RGS12: variants seen among roughly 807,000 people sequenced by gnomAD.
RGS12 encodes regulator of G-protein signaling 12.
In RGS12, 66 loss-of-function variants were observed where a neutral mutation model predicts 120.1. That is an observed-to-expected ratio of 0.55 (90% CI 0.45 to 0.67). The LOEUF (loss-of-function observed/expected upper bound fraction) is 0.67. RGS12 is among the 30% of genes least tolerant of loss of function. RGS12 has a pLI of 0.00. For synonymous variants in RGS12, 827 were observed against 804.7 expected (o/e 1.03, Z -0.47); for missense variants, 1,859 against 1,957.7 (o/e 0.95, Z 0.95).
chr4:3,350,284 C>T (rs1369706438), intron 3 of RGS12, among the ~76,000 whole-genome samples: 1 of 152,132 alleles, frequency 6.6e-6, no homozygotes, highest in African/African-American at 2.4e-5. Flanking sequence ...TAAATATAAT[C>T]CTCTCTGACC....
At chr4:3,428,222 C>T (rs149629037) in intron 15 of RGS12, 53 bp downstream of exon 15, 19 of 1,495,016 alleles carry the variant, frequency 1.3e-5, no homozygotes, top group East Asian at 1.1e-4. Context: ...CTGTGGCCCC[C>T]GCCTGCCCTG....
rs561271897 is a variant in RGS12, at chr4:3,401,884, C to T, written c.2021-12188C>T. Among the ~76,000 whole-genome samples, 162 of 152,246 alleles carry T rather than the reference C, an allele frequency of 1.1e-3. 3 individuals are homozygous for T. Among genetic ancestry groups the T allele is most frequent in the Non-Finnish European group, 1.9e-3 (129 of 68,038 alleles). On this transcript the variant is annotated intron_variant, in intron 4 of 17. Coordinates refer to ENST00000336727, the MANE Select transcript of RGS12 (RefSeq NM_001394154.1). ...GGCTGGGTTCCCCATGGAGGAGAGC[C>T]CTGCCTTAGCCTCGTCTCTTGCTGC...
chr4:3,414,206 C>A lies in RGS12; in HGVS notation c.2155C>A (p.Leu719Met). The A allele has an allele frequency of 6.5e-7, 1 of 1,549,442 alleles. No individual in the cohort carries two copies. The highest frequency in any genetic ancestry group is 1.4e-5 in the African/African-American group (1 of 73,548). ...CAGCTGGGCCGTGTCCTTTGAGCGC[C>A]TGCTGCAGGACCCCGTCGGTGTCCG... is the stretch of plus-strand genomic sequence containing the variant. ...VASWAVSFER[L>M]LQDPVGVRYF... The change falls in exon 5 of 18, where the codon CTG becomes ATG. Residue 719 changes from leucine to methionine, a missense_variant. Coordinates refer to ENST00000336727, the MANE Select transcript of RGS12 (RefSeq NM_001394154.1).
At chr4:3,329,276 G>A (rs1055895574) in intron 2 of RGS12, among the ~76,000 whole-genome samples, 1 of 152,160 alleles carries the variant, frequency 6.6e-6, no homozygotes, top group Non-Finnish European at 1.5e-5. Context: ...ACCCAGGAGT[G>A]CAAGAGATCT....
intron 4 of RGS12, among the ~76,000 whole-genome samples, chr4:3,387,507 G>A (rs1294401082): frequency 6.6e-6 from 1 of 152,234 alleles, no homozygotes; most frequent in Non-Finnish European, 1.5e-5. Flanking sequence ...AGCATATCTT[G>A]GGTTACACAC....
At chr4:3,343,168 C>T in intron 3 of RGS12, 115 bp downstream of exon 3, 2 of 686,860 alleles carry the variant, frequency 2.9e-6, no homozygotes, top group Non-Finnish European at 5.1e-6. Context: ...CCCTCCTCCT[C>T]TGTAGTGGTA....
chr4:3,297,734 C>T (rs1352911848), intron 1 of RGS12, among the ~76,000 whole-genome samples: 2 of 152,194 alleles, frequency 1.3e-5, no homozygotes, highest in Non-Finnish European at 2.9e-5. Flanking sequence ...TCCCTGCTCT[C>T]GTTTGCCCTG....
intron 3 of RGS12, among the ~76,000 whole-genome samples, chr4:3,384,895 G>T (rs1378966619): frequency 6.6e-6 from 1 of 152,250 alleles, no homozygotes; most frequent in Non-Finnish European, 1.5e-5. Flanking sequence ...TCGGGGCATG[G>T]TTGCCCTTGC....
intron 12 of RGS12, 132 bp from the exon 13 acceptor site, chr4:3,423,383 G>A: frequency 8.1e-7 from 1 of 1,234,690 alleles, no homozygotes; most frequent in Non-Finnish European, 1.2e-6. Flanking sequence ...GTTCTGATCA[G>A]CTGGGGCTGA....
chr4:3,379,606 C>T (rs1433198682), intron 3 of RGS12, among the ~76,000 whole-genome samples: 1 of 152,188 alleles, frequency 6.6e-6, no homozygotes, highest in Non-Finnish European at 1.5e-5. Context: ...CACAGTTTCA[C>T]ATGGCTGGGG....
At position 3,317,433 on chromosome 4, in the gene RGS12, C is replaced by T; in HGVS notation, c.1263C>T (p.Asn421=). Residue 421 remains asparagine, a synonymous_variant, in exon 2 of 18, where the codon AAC becomes AAT. Coordinates refer to ENST00000336727, the MANE Select transcript of RGS12 (RefSeq NM_001394154.1). The stretch of plus-strand genomic sequence containing the variant: ...ACCAGAACAACAGCACCAGCAGCAA[C>T]AGTGACAGCGGCATTGGGAACTTCC... ...DAHQNNSTSS[N]SDSGIGNFHQ... is the part of the protein sequence containing the mutation. The T allele has an allele frequency of 6.2e-7, 1 of 1,614,076 alleles. No homozygotes were observed. The highest frequency in any genetic ancestry group is 1.1e-5 in the South Asian group (1 of 91,084).
Position 3,405,280 on chromosome 4 carries a change from C to T in RGS12, c.2021-8792C>T, listed in dbSNP as rs370902302. Among the ~76,000 whole-genome samples the T allele has an allele frequency of 7.9e-5, 12 of 152,310 alleles. No homozygotes were observed. In the East Asian group the frequency reaches 1.5e-3, roughly 20 times the overall value. On this transcript the variant is annotated intron_variant, in intron 4 of 17. Transcript: ENST00000336727. ...ACGACAGCGGACAAATCTGGTGCCC[C>T]AGCCACATGATGAGAGCCAGCGTCA...
chr4:3,414,634 C>G (rs890030043), intron 5 of RGS12, 118 bp from the exon 6 acceptor site: 72 of 757,086 alleles, frequency 9.5e-5, no homozygotes, highest in Non-Finnish European at 2.8e-5. Context: ...GTTTCTCTCT[C>G]CAGGCCCTCG....
chr4:3,436,724 G>C (rs978287807), intron 17 of RGS12, among the ~76,000 whole-genome samples: 1 of 152,222 alleles, frequency 6.6e-6, no homozygotes, highest in Non-Finnish European at 1.5e-5. Flanking sequence ...TCATGGACAA[G>C]TGTCTGGGAG....
At chr4:3,306,373 C>T (rs768610594) in intron 1 of RGS12, among the ~76,000 whole-genome samples, 2 of 152,206 alleles carry the variant, frequency 1.3e-5, no homozygotes, top group African/African-American at 2.4e-5. Flanking sequence ...GGTGTGGAGA[C>T]GAGGAGACGG....
At chr4:3,298,667 T>C (rs994502290) in intron 1 of RGS12, among the ~76,000 whole-genome samples, 2 of 152,208 alleles carry the variant, frequency 1.3e-5, no homozygotes, top group African/African-American at 2.4e-5. Flanking sequence ...CTTCCAGCAG[T>C]TTGATTGTGA....
intron 4 of RGS12, among the ~76,000 whole-genome samples, chr4:3,397,463 G>A (rs141533194): frequency 2.2e-3 from 331 of 152,332 alleles, no homozygotes; most frequent in Middle Eastern, 0.017. Context: ...CCAGGGGGTC[G>A]CGAGGAACCC....
chr4:3,421,524 G>A (rs563376132), intron 10 of RGS12, among the ~76,000 whole-genome samples: 221 of 152,344 alleles, frequency 1.5e-3, no homozygotes, highest in South Asian at 0.012. Context: ...CATTCTGGCC[G>A]GCCTTGCCGT....
intron 2 of RGS12, among the ~76,000 whole-genome samples, chr4:3,332,467 A>G (rs939503354): frequency 1.3e-5 from 2 of 152,250 alleles, no homozygotes; most frequent in Non-Finnish European, 2.9e-5. Context: ...CCACTAAAGA[A>G]TTACTCATAA....
Sources: gnomAD v4.1 joint callset for allele counts (sites outside exome capture counted in the v4.1 genomes callset) on GRCh38, gnomAD v4.1.1 for gene constraint, MANE v1.5 for transcripts, NCBI Gene and HGNC (gene_info 2026-07-23, HGNC 2026-07-21) for gene names.